Variants in ARHGAP42 observed in about 807,000 individuals in gnomAD.
ARHGAP42 encodes rho GTPase-activating protein 42.
Under a neutral mutation model 125.0 loss-of-function variants are expected in ARHGAP42, and 63 were observed. The observed-to-expected ratio is 0.50, with a 90% CI of 0.41 to 0.62. ARHGAP42 has a LOEUF of 0.62. Among genes scored for constraint, ARHGAP42 ranks in the 20% least tolerant of loss-of-function variants. ARHGAP42 has a pLI of 0.00. For missense variants in ARHGAP42, 766 were observed against 1,024.2 expected, an observed-to-expected ratio of 0.75 and a Z score of 3.44; for synonymous variants, 339 against 351.0, an observed-to-expected ratio of 0.97 and a Z score of 0.38.
Position 100,933,254 on chromosome 11 carries a change from G to T in ARHGAP42, c.696G>T (p.Leu232Phe). 2 of 1,546,860 alleles carry T rather than the reference G, an allele frequency of 1.3e-6. No individual in the cohort carries two copies. Among genetic ancestry groups the T allele is most frequent in the East Asian group, 4.9e-5 (2 of 40,814 alleles). ...APYKQQLQFN[L>F]QNTRNNFEST... ...ATAAGCAACAGCTGCAGTTCAACTT[G>T]CAGAATGTAAGAGTATACCTGTTCT... The change falls in exon 7 of 24, where the codon TTG (leucine) becomes TTT (phenylalanine). Residue 232 changes from leucine (L) to phenylalanine (F), a missense_variant. Leu to Phe is a conservative substitution (Grantham distance 22). This residue lies in a region of ARHGAP42 where 455 missense variants were observed against 636.5 expected (regional missense o/e 0.71). Transcript: ENST00000298815.
chr11:100,751,279 G>GTTTTTTTTTTTTTTTT (rs71465331), intron 1 of ARHGAP42, among the ~76,000 whole-genome samples: 2 of 93,480 alleles, frequency 2.1e-5, no homozygotes, highest in African/African-American at 5.0e-5. Context: ...GTGTGTGTGT[G>GTTTTTTTTTTTTTTTT]TTTTTTTTTT....
intron 2 of ARHGAP42, among the ~76,000 whole-genome samples, chr11:100,793,391 C>A (rs897353009): frequency 6.6e-6 from 1 of 152,170 alleles, no homozygotes; most frequent in Non-Finnish European, 1.5e-5. Flanking sequence ...CTGAAGAGAT[C>A]TCTTTTATCC....
intron 22 of ARHGAP42, among the ~76,000 whole-genome samples, chr11:100,979,259 A>G (rs1419606076): frequency 6.6e-6 from 1 of 152,336 alleles, no homozygotes; most frequent in East Asian, 1.9e-4. Context: ...AAATCTTCAC[A>G]GTAGAAGGGC....
intron 3 of ARHGAP42, among the ~76,000 whole-genome samples, chr11:100,839,050 T>C (rs1445447275): frequency 6.6e-6 from 1 of 152,164 alleles, no homozygotes; most frequent in African/African-American, 2.4e-5. Flanking sequence ...CTCTAGTATA[T>C]ATACTGCATA....
In ARHGAP42 at chr11:100,992,697, G is replaced by C; in HGVS notation, c.*3896G>C. ...GTTGGGAAAATGCAGGTTTATGAATGATGTGGACTTTTAGAGGATCAAATC... is the reference window on the plus strand; with the variant it reads ...GTTGGGAAAATGCAGGTTTATGAATCATGTGGACTTTTAGAGGATCAAATC... On this transcript the variant is annotated 3_prime_UTR_variant, in exon 24 of 24. Coordinates refer to ENST00000298815, the MANE Select transcript of ARHGAP42 (RefSeq NM_152432.4). 6.4e-7 allele frequency: 1 copy of C among 1,573,580 alleles called. No individual in the cohort carries two copies. Among genetic ancestry groups the C allele is most frequent in the South Asian group, 1.2e-5 (1 of 83,692 alleles).
intron 1 of ARHGAP42, among the ~76,000 whole-genome samples, chr11:100,765,029 T>C (rs1209348272): frequency 2.0e-5 from 3 of 152,054 alleles, no homozygotes; most frequent in African/African-American, 7.2e-5. Flanking sequence ...AAAAAGGCCT[T>C]TTTTTTGGCA....
chr11:100,832,287 A>G (rs575480850), intron 3 of ARHGAP42, among the ~76,000 whole-genome samples: 19 of 152,320 alleles, frequency 1.2e-4, no homozygotes, highest in Admixed American at 5.2e-4. Context: ...CTGCTGTCCT[A>G]CAGCAAGCCA....
chr11:100,902,805 G>T (rs1306360734), intron 4 of ARHGAP42, among the ~76,000 whole-genome samples: 1 of 152,062 alleles, frequency 6.6e-6, no homozygotes, highest in Non-Finnish European at 1.5e-5. Flanking sequence ...GTCACCTCTG[G>T]GCTCTGTCCT....
intron 6 of ARHGAP42, 76 bp downstream of exon 6, chr11:100,921,680 T>C: frequency 1.1e-6 from 1 of 895,318 alleles, no homozygotes; most frequent in Non-Finnish European, 1.6e-6. Flanking sequence ...TTTTCTATAA[T>C]ATATAATTTT....
At chr11:100,954,962 A>T (rs1048566650) in intron 12 of ARHGAP42, among the ~76,000 whole-genome samples, 1 of 152,202 alleles carries the variant, frequency 6.6e-6, no homozygotes, top group Non-Finnish European at 1.5e-5. Context: ...ATTAAAAATT[A>T]AAGACAAATG....
At chr11:100,849,538 TTGTATTC>T (rs2135125265) in intron 3 of ARHGAP42, among the ~76,000 whole-genome samples, 1 of 152,340 alleles carries the variant, frequency 6.6e-6, no homozygotes, top group East Asian at 1.9e-4. Context: ...TTCATGGACT[TTGTATTC>T]TGTGTTAAAG....
At chr11:100,869,623 A>G (rs765782309) in intron 4 of ARHGAP42, among the ~76,000 whole-genome samples, 8 of 152,132 alleles carry the variant, frequency 5.3e-5, no homozygotes, top group Admixed American at 2.0e-4. Context: ...GGAGAATCCC[A>G]TAGAGTTAGA....
At chr11:100,751,668 C>G (rs1862461833) in intron 1 of ARHGAP42, among the ~76,000 whole-genome samples, 1 of 150,262 alleles carries the variant, frequency 6.7e-6, no homozygotes, top group South Asian at 2.1e-4. Flanking sequence ...TTAACACAGG[C>G]AAGGGGGAGC....
chr11:100,712,211 G>A (rs971428651), intron 1 of ARHGAP42, among the ~76,000 whole-genome samples: 13 of 152,094 alleles, frequency 8.5e-5, no homozygotes, highest in Non-Finnish European at 1.3e-4. Flanking sequence ...CTTTGAGTTC[G>A]CTGCAGTATT....
At chr11:100,770,646 T>G (rs946507832) in intron 2 of ARHGAP42, among the ~76,000 whole-genome samples, 15 of 152,114 alleles carry the variant, frequency 9.9e-5, no homozygotes, top group African/African-American at 3.6e-4. Context: ...GGCGTAATCT[T>G]GACTCACTGC....
intron 3 of ARHGAP42, among the ~76,000 whole-genome samples, chr11:100,810,038 G>A (rs543516217): frequency 6.6e-6 from 1 of 152,202 alleles, no homozygotes; most frequent in South Asian, 2.1e-4. Context: ...ATAGAAAATT[G>A]CAAATAATCT....
At chr11:100,698,565 C>T (rs1055212531) in intron 1 of ARHGAP42, among the ~76,000 whole-genome samples, 2 of 152,064 alleles carry the variant, frequency 1.3e-5, no homozygotes, top group Admixed American at 1.3e-4. Flanking sequence ...ATTCCAGCTA[C>T]TGGGGAAGGG....
chr11:100,953,048 G>A, intron 12 of ARHGAP42, among the ~76,000 whole-genome samples: 1 of 152,108 alleles, frequency 6.6e-6, no homozygotes, highest in Non-Finnish European at 1.5e-5. Context: ...TGAGCTCATT[G>A]TGTTAAGTGC....
At chr11:100,688,002 TCTTTA>T in intron 1 of ARHGAP42, 170 bp downstream of exon 1, 1 of 661,534 alleles carries the variant, frequency 1.5e-6, no homozygotes, top group Non-Finnish European at 2.4e-6. Context: ...CTTGAGGTGT[TCTTTA>T]CTTACTCACA....
Sources: allele counts gnomAD v4.1 joint callset (sites outside exome capture counted in the v4.1 genomes callset), GRCh38; gene constraint gnomAD v4.1.1; regional missense constraint gnomAD v4.1.1; transcripts MANE v1.5; gene names NCBI Gene and HGNC (gene_info 2026-07-23, HGNC 2026-07-21).